The following KCND3 variants were observed in gnomAD, a reference collection of about 807,000 sequenced individuals.
KCND3 encodes the protein A-type voltage-gated potassium channel KCND3.
A neutral mutation model predicts 51.1 loss-of-function variants in KCND3; 9 were observed. That is an observed-to-expected ratio of 0.18 (90% CI 0.11 to 0.31). KCND3 has a LOEUF of 0.31. KCND3 is among the 10% of genes least tolerant of loss of function. KCND3 has a pLI of 1.00. For synonymous variants in KCND3, 349 were observed against 368.0 expected, an observed-to-expected ratio of 0.95 and a Z score of 0.59; for missense variants, 526 against 903.8, an observed-to-expected ratio of 0.58 and a Z score of 5.36.
chr1:111,935,108 T>C (rs757566168), intron 2 of KCND3, among the ~76,000 whole-genome samples: 18 of 152,220 alleles, frequency 1.2e-4, no homozygotes, highest in Non-Finnish European at 2.1e-4. Flanking sequence ...GGTATGTCCA[T>C]AAACACAAGT....
intron 2 of KCND3, among the ~76,000 whole-genome samples, chr1:111,832,285 G>T (rs1346217728): frequency 4.6e-5 from 7 of 152,212 alleles, no homozygotes; most frequent in Non-Finnish European, 8.8e-5. Context: ...CAATGGTGAA[G>T]AACCTATGGT....
intron 1 of KCND3, among the ~76,000 whole-genome samples, chr1:111,987,762 G>A (rs1675369725): frequency 6.6e-6 from 1 of 152,192 alleles, no homozygotes; most frequent in South Asian, 2.1e-4. Context: ...CAAATGCCAA[G>A]GTTTTACTAG....
chr1:111,959,345 G>A (rs1673511260), intron 2 of KCND3, among the ~76,000 whole-genome samples: 1 of 152,156 alleles, frequency 6.6e-6, no homozygotes, highest in African/African-American at 2.4e-5. Context: ...AGTAAACAGA[G>A]GCTATTCCCC....
intron 2 of KCND3, among the ~76,000 whole-genome samples, chr1:111,898,040 G>A (rs543596809): frequency 1.3e-5 from 2 of 152,068 alleles, no homozygotes; most frequent in Non-Finnish European, 2.9e-5. Flanking sequence ...CCACAAAACT[G>A]GACTGCTTAG....
chr1:111,772,563 C>T lies in KCND3; in HGVS notation c.*3514G>A, dbSNP rs1008153109. 3 of 152,192 alleles carry T rather than the reference C, an allele frequency of 2.0e-5. No homozygotes were observed. Among genetic ancestry groups the T allele is most frequent in the African/African-American group, 4.8e-5 (2 of 41,452 alleles). 9.4% of individuals were successfully genotyped at this position (152,192 alleles called of 1,614,324 possible). A position where few individuals can be genotyped will look rare whatever the true frequency, so the allele number is the denominator to read the frequency against. On this transcript the variant is annotated 3_prime_UTR_variant, in exon 8 of 8. Transcript: ENST00000302127. Reference sequence around the variant, plus strand: ...GCATTAGACTAATAGCCAAAAGACTCGTGTTCTGGTCTCAGATCTGTCATT... The same window carrying T: ...GCATTAGACTAATAGCCAAAAGACTTGTGTTCTGGTCTCAGATCTGTCATT...
intron 2 of KCND3, among the ~76,000 whole-genome samples, chr1:111,882,961 T>C (rs559896132): frequency 2.6e-5 from 4 of 152,324 alleles, no homozygotes; most frequent in Non-Finnish European, 4.4e-5. Flanking sequence ...GGCCAACTTG[T>C]CTTCCTACTT....
chr1:111,872,817 G>C (rs1244552011), intron 2 of KCND3, among the ~76,000 whole-genome samples: 1 of 152,152 alleles, frequency 6.6e-6, no homozygotes, highest in South Asian at 2.1e-4. Flanking sequence ...TGTACCCAGT[G>C]AGAACACTCA....
chr1:111,868,169 A>G (rs1174924173), intron 2 of KCND3, among the ~76,000 whole-genome samples: 1 of 152,152 alleles, frequency 6.6e-6, no homozygotes, highest in Non-Finnish European at 1.5e-5. Flanking sequence ...GAAATAGACA[A>G]TTCATAAGTT....
intron 2 of KCND3, among the ~76,000 whole-genome samples, chr1:111,898,000 T>A (rs1261841542): frequency 6.6e-6 from 1 of 152,164 alleles, no homozygotes; most frequent in Non-Finnish European, 1.5e-5. Flanking sequence ...CCAGCCTCAT[T>A]GGTCCTTGGG....
At chr1:111,829,114 T>G (rs1666712812) in intron 2 of KCND3, among the ~76,000 whole-genome samples, 1 of 152,240 alleles carries the variant, frequency 6.6e-6, no homozygotes. Context: ...ATGGTTGCGC[T>G]GCAGTGTTAT....
In KCND3 at chr1:111,780,179, G is replaced by T; in HGVS notation, c.1461+46C>A. On this transcript the variant is annotated intron_variant, in intron 5 of 7. Transcript: ENST00000302127. The surrounding 1 kb of genome is among the most constrained non-coding windows in gnomAD (Gnocchi z 4.2). The stretch of plus-strand genomic sequence containing the variant: ...GATGTGAGTACAGCCTTAGAAAAGG[G>T]TCAGGGTCAGCGATGAAAAGGAGGT... 6.6e-7 allele frequency: 1 copy of T among 1,513,448 alleles called. No homozygotes were observed. The highest frequency in any genetic ancestry group is 9.0e-7 in the Non-Finnish European group (1 of 1,112,030). 93.8% of individuals were successfully genotyped at this position (1,513,448 alleles called of 1,614,324 possible). A position where few individuals can be genotyped will look rare whatever the true frequency, so the allele number is the denominator to read the frequency against.
intron 1 of KCND3, chr1:111,989,206 T>C (rs1675488888): frequency 6.6e-6 from 1 of 152,264 alleles, no homozygotes; most frequent in Non-Finnish European, 1.5e-5. Flanking sequence ...CACCTGTCTC[T>C]GGCACCCGCC....
intron 2 of KCND3, among the ~76,000 whole-genome samples, chr1:111,977,044 C>G (rs1459592613): frequency 6.6e-6 from 1 of 152,178 alleles, no homozygotes; most frequent in African/African-American, 2.4e-5. Context: ...GAAATGTCAA[C>G]AAAGAAAAGG....
At chr1:111,947,995 T>C (rs563154716) in intron 2 of KCND3, among the ~76,000 whole-genome samples, 1 of 152,236 alleles carries the variant, frequency 6.6e-6, no homozygotes, top group South Asian at 2.1e-4. Flanking sequence ...GAGGGACAGG[T>C]TGTACAGGCC....
At chr1:111,778,362 G>T (rs116457688) in intron 6 of KCND3, 74 bp downstream of exon 6, 8 of 1,411,956 alleles carry the variant, frequency 5.7e-6, no homozygotes, top group Non-Finnish European at 7.0e-6. Context: ...AGGCCGGGGG[G>T]TAAAAAGGGG....
chr1:111,898,506 C>T (rs1173216076), intron 2 of KCND3, among the ~76,000 whole-genome samples: 1 of 152,188 alleles, frequency 6.6e-6, no homozygotes, highest in African/African-American at 2.4e-5. Context: ...CTACAAGCTT[C>T]CTGAGGGCCA....
chr1:111,874,869 G>C (rs1031763061), intron 2 of KCND3, among the ~76,000 whole-genome samples: 11 of 152,154 alleles, frequency 7.2e-5, no homozygotes, highest in African/African-American at 2.7e-4. Flanking sequence ...CTAAAAAACT[G>C]CTTCAAACAT....
At chr1:111,988,809 T>C in intron 1 of KCND3, 1 of 152,164 alleles carries the variant, frequency 6.6e-6, no homozygotes, top group Non-Finnish European at 1.5e-5. Flanking sequence ...ATATCAGGGC[T>C]GCCCGGGATA....
chr1:111,822,001 G>C (rs1666370576), intron 2 of KCND3, among the ~76,000 whole-genome samples: 1 of 151,998 alleles, frequency 6.6e-6, no homozygotes, highest in Admixed American at 6.5e-5. Context: ...TCCCCTTAAG[G>C]ATTGGTCTCT....
Sources: allele counts gnomAD v4.1 joint callset (sites outside exome capture counted in the v4.1 genomes callset), GRCh38; gene constraint gnomAD v4.1.1; non-coding constraint Gnocchi (gnomAD v3.1); transcripts MANE v1.5; gene names NCBI Gene and HGNC (gene_info 2026-07-23, HGNC 2026-07-21).